The following PISD variants were observed in gnomAD, a reference collection of about 807,000 sequenced individuals.
PISD encodes the protein phosphatidylserine decarboxylase.
Under a neutral mutation model 43.5 loss-of-function variants are expected in PISD, and 31 were observed. That is an observed-to-expected ratio of 0.71 (90% CI 0.54 to 0.96). PISD has a LOEUF of 0.96. Among genes scored for constraint, PISD ranks in the 40% least tolerant of loss-of-function variants. The probability of loss-of-function intolerance (pLI) is 0.00; values close to 1 mark genes in which losing one functional copy is unlikely to be tolerated. For missense variants in PISD, 523 were observed against 548.4 expected (o/e 0.95, Z 0.46); for synonymous variants, 259 against 228.7 (o/e 1.13, Z -1.20).
rs1664893537 is a variant in PISD, at chr22:31,620,673, G to A, written c.885C>T (p.Ile295=). 6.2e-7 allele frequency: 1 copy of A among 1,614,108 alleles called. No homozygotes were observed. The highest frequency in any genetic ancestry group is 1.1e-5 in the South Asian group (1 of 91,090). The part of the protein sequence containing the change: ...MSVNPGMARW[I]KELFCHNERV... ...GCTCGTTATGGCAGAAGAGCTCTTTGATCCAGCGAGCCATGCCAGGGTTCA... is the reference window on the plus strand; with the variant it reads ...GCTCGTTATGGCAGAAGAGCTCTTTAATCCAGCGAGCCATGCCAGGGTTCA... The change falls in exon 7 of 8, where the codon ATC becomes ATT. Residue 295 remains isoleucine (I), a synonymous_variant. Coordinates refer to ENST00000439502, the MANE Select transcript of PISD (RefSeq NM_001326411.2).
At chr22:31,661,084 G>A (rs532499639) in intron 1 of PISD, among the ~76,000 whole-genome samples, 1 of 151,822 alleles carries the variant, frequency 6.6e-6, no homozygotes, top group South Asian at 2.1e-4. Context: ...CAGCACGCCT[G>A]GTAATAACAT....
intron 3 of PISD, among the ~76,000 whole-genome samples, chr22:31,642,418 G>A (rs538399915): frequency 6.6e-6 from 1 of 151,232 alleles, no homozygotes; most frequent in South Asian, 2.1e-4. Flanking sequence ...CTGTGCCACT[G>A]CACTCCAGTC....
chr22:31,628,475 C>G (rs926882493), intron 3 of PISD, among the ~76,000 whole-genome samples: 1 of 152,232 alleles, frequency 6.6e-6, no homozygotes, highest in South Asian at 2.1e-4. Context: ...CCTTCCCTCC[C>G]TTCTAAGCCT....
At position 31,625,740 on chromosome 22, in the gene PISD, G is replaced by A. The variant is rs1295232003; in HGVS notation, c.322-3855C>T. The A allele has an allele frequency of 3.2e-6, 5 of 1,568,960 alleles. No homozygotes were observed. In the South Asian group the frequency reaches 3.5e-5, roughly 11 times the overall value. ...GTCGTGGCGGGGAACCGTGGGGTTA[G>A]GGCGCGGTGGGCAGCATCTCACCAT... is the stretch of plus-strand genomic sequence containing the variant. On this transcript the variant is annotated intron_variant, in intron 3 of 7. Transcript: ENST00000439502.
At chr22:31,661,959 T>G (rs1442202318) in intron 1 of PISD, among the ~76,000 whole-genome samples, 185 bp downstream of exon 1, 1 of 152,158 alleles carries the variant, frequency 6.6e-6, no homozygotes, top group Non-Finnish European at 1.5e-5. Context: ...GGCCACACCC[T>G]AAGTAAATCC....
At chr22:31,628,867 A>G (rs2073049965) in intron 3 of PISD, 37 of 985,330 alleles carry the variant, frequency 3.8e-5, no homozygotes, top group Non-Finnish European at 4.3e-5. Context: ...CTTTCCAAAA[A>G]GTCAACCTCA....
intron 1 of PISD, among the ~76,000 whole-genome samples, chr22:31,651,636 T>A (rs1454634496): frequency 6.6e-6 from 1 of 152,012 alleles, no homozygotes; most frequent in Non-Finnish European, 1.5e-5. Flanking sequence ...TAATCCCAGC[T>A]ACTTGGGAGG....
At chr22:31,627,873 G>T in intron 3 of PISD, 1 of 220,288 alleles carries the variant, frequency 4.5e-6, no homozygotes, top group Non-Finnish European at 7.7e-6. Flanking sequence ...TCTGGCCTCC[G>T]GTCTCAGAGG....
intron 3 of PISD, among the ~76,000 whole-genome samples, chr22:31,629,500 C>T (rs551105792): frequency 2.3e-5 from 3 of 127,976 alleles, no homozygotes; most frequent in South Asian, 2.7e-4. Context: ...TGAGGGTGGG[C>T]GCATATAGGG....
Position 31,630,841 on chromosome 22 carries a change from G to C in PISD, c.322-8956C>G. On this transcript the variant is annotated intron_variant, in intron 3 of 7. Coordinates refer to ENST00000439502, the MANE Select transcript of PISD (RefSeq NM_001326411.2). The surrounding 1 kb of genome is among the most constrained non-coding windows in gnomAD (Gnocchi z 4.4). ...CCAGCTTCCGGGCTCCGACTCCCTA[G>C]GGGCGCTCCCGGAGCCGGGAAGCCT... 1.0e-6 allele frequency: 1 copy of C among 985,472 alleles called. No homozygotes were observed. The highest frequency in any genetic ancestry group is 1.2e-6 in the Non-Finnish European group (1 of 829,946). 61.0% of individuals were successfully genotyped at this position (985,472 alleles called of 1,614,324 possible). A position where few individuals can be genotyped will look rare whatever the true frequency, so the allele number is the denominator to read the frequency against.
chr22:31,629,227 T>C (rs1289147701), intron 3 of PISD: 1 of 985,112 alleles, frequency 1.0e-6, no homozygotes, highest in Non-Finnish European at 1.2e-6. Flanking sequence ...GCAAGATTGT[T>C]GTGCGTGAGG....
chr22:31,625,668 C>G, intron 3 of PISD: 1 of 1,479,220 alleles, frequency 6.8e-7, no homozygotes, highest in African/African-American at 1.4e-5. Context: ...CCCCTTGCCG[C>G]CACCTCTACT....
intron 3 of PISD, among the ~76,000 whole-genome samples, chr22:31,644,790 G>A (rs1378860157): frequency 6.6e-6 from 1 of 152,258 alleles, no homozygotes; most frequent in East Asian, 1.9e-4. Context: ...ACCAACAAGT[G>A]GAAAATTCCA....
chr22:31,625,588 G>A (rs976655220), intron 3 of PISD: 26 of 708,858 alleles, frequency 3.7e-5, no homozygotes, highest in Middle Eastern at 7.3e-4. Context: ...TACCTGAAGC[G>A]GGCTCTCCGA....
At chr22:31,649,615 C>A (rs1359870428) in intron 2 of PISD, among the ~76,000 whole-genome samples, 5 of 152,016 alleles carry the variant, frequency 3.3e-5, no homozygotes, top group Non-Finnish European at 7.4e-5. Context: ...TGCCTGTAGC[C>A]CCAGCTACTC....
At chr22:31,634,640 C>T (rs1466059229) in intron 3 of PISD, among the ~76,000 whole-genome samples, 1 of 152,082 alleles carries the variant, frequency 6.6e-6, no homozygotes, top group Non-Finnish European at 1.5e-5. Flanking sequence ...AAGTTCAACA[C>T]CAGCCTGGCC....
chr22:31,631,928 A>G (rs2073222886), intron 3 of PISD, among the ~76,000 whole-genome samples: 1 of 152,186 alleles, frequency 6.6e-6, no homozygotes, highest in Non-Finnish European at 1.5e-5. Flanking sequence ...TAAAGCAACT[A>G]AGGCATGAAG....
intron 1 of PISD, among the ~76,000 whole-genome samples, chr22:31,659,652 C>T (rs1386678429): frequency 6.6e-6 from 1 of 151,830 alleles, no homozygotes. Flanking sequence ...AGTCCAGTGG[C>T]GTGATCTCGG....
intron 3 of PISD, among the ~76,000 whole-genome samples, chr22:31,643,541 G>C (rs1197884575): frequency 1.3e-5 from 2 of 152,290 alleles, no homozygotes; most frequent in East Asian, 1.9e-4. Flanking sequence ...CAAGGCTGTA[G>C]CAAGATATGA....
Sources: allele counts gnomAD v4.1 joint callset (sites outside exome capture counted in the v4.1 genomes callset), GRCh38; gene constraint gnomAD v4.1.1; non-coding constraint Gnocchi (gnomAD v3.1); transcripts MANE v1.5; gene names NCBI Gene and HGNC (gene_info 2026-07-23, HGNC 2026-07-21).